Variants in IGFBP7 observed in about 807,000 individuals in gnomAD.
IGFBP7 encodes the protein insulin-like growth factor-binding protein 7.
Under a neutral mutation model 29.4 loss-of-function variants are expected in IGFBP7, and 31 were observed. That is an observed-to-expected ratio of 1.05 (90% CI 0.79 to 1.42). The LOEUF is 1.42. Ranked by LOEUF, IGFBP7 falls within the 40% of genes most tolerant of loss-of-function variation. The pLI, the probability that IGFBP7 is intolerant of heterozygous loss-of-function variation, is 0.00. For synonymous variants in IGFBP7, 172 were observed against 174.9 expected, an observed-to-expected ratio of 0.98 and a Z score of 0.13; for missense variants, 393 against 395.5, an observed-to-expected ratio of 0.99 and a Z score of 0.05.
chr4:57,082,851 G>A (rs916132811), intron 1 of IGFBP7, among the ~76,000 whole-genome samples: 1 of 151,870 alleles, frequency 6.6e-6, no homozygotes, highest in East Asian at 1.9e-4. Context: ...TGTCTATGTT[G>A]CCTAGGCTTA....
chr4:57,041,801 A>G (rs955167522), intron 1 of IGFBP7, among the ~76,000 whole-genome samples: 7 of 152,124 alleles, frequency 4.6e-5, no homozygotes, highest in East Asian at 3.9e-4. Context: ...AGCCTCCCCA[A>G]CTGCTGGGAT....
At chr4:57,101,080 T>A (rs1436241928) in intron 1 of IGFBP7, among the ~76,000 whole-genome samples, 1 of 152,256 alleles carries the variant, frequency 6.6e-6, no homozygotes, top group East Asian at 1.9e-4. Flanking sequence ...TTTACAGTTA[T>A]TTGGTGCAGC....
chr4:57,059,596 G>A (rs1724751334), intron 1 of IGFBP7, among the ~76,000 whole-genome samples: 1 of 152,100 alleles, frequency 6.6e-6, no homozygotes, highest in Non-Finnish European at 1.5e-5. Context: ...GTCTACTTGA[G>A]GGTGGAGGGT....
At chr4:57,036,149 GTATT>G (rs1724079834) in intron 2 of IGFBP7, among the ~76,000 whole-genome samples, 2 of 152,216 alleles carry the variant, frequency 1.3e-5, no homozygotes, top group South Asian at 4.1e-4. Context: ...TGTCCATGAA[GTATT>G]TGTTGAGAAA....
chr4:57,032,593 T>C, intron 3 of IGFBP7, 41 bp from the exon 4 acceptor site: 2 of 1,499,636 alleles, frequency 1.3e-6, no homozygotes, highest in Non-Finnish European at 9.3e-7. Flanking sequence ...TGTGGTGGTC[T>C]TCTCTTTTGT....
intron 1 of IGFBP7, among the ~76,000 whole-genome samples, chr4:57,070,022 A>G (rs3986230): frequency 0.19 from 28,616 of 152,172 alleles, 2,893 homozygotes; most frequent in African/African-American, 0.25. Flanking sequence ...CAGAGGTTGC[A>G]GTGAGCCGGA....
At chr4:57,060,839 A>G (rs1476101968) in intron 1 of IGFBP7, among the ~76,000 whole-genome samples, 1 of 151,978 alleles carries the variant, frequency 6.6e-6, no homozygotes, top group Non-Finnish European at 1.5e-5. Flanking sequence ...GGATTGCTTG[A>G]CCCTGGGAGG....
chr4:57,075,986 G>T (rs1364765665), intron 1 of IGFBP7, among the ~76,000 whole-genome samples: 2 of 152,136 alleles, frequency 1.3e-5, no homozygotes, highest in Admixed American at 6.5e-5. Flanking sequence ...GAATACCAAG[G>T]CTCTTGTCTC....
At chr4:57,063,808 T>C (rs1016057018) in intron 1 of IGFBP7, among the ~76,000 whole-genome samples, 1 of 152,182 alleles carries the variant, frequency 6.6e-6, no homozygotes, top group Admixed American at 6.5e-5. Context: ...AGCAATAAAA[T>C]GACCAGAGTT....
At chr4:57,100,346 C>T (rs1231043278) in intron 1 of IGFBP7, among the ~76,000 whole-genome samples, 5 of 152,152 alleles carry the variant, frequency 3.3e-5, no homozygotes, top group Non-Finnish European at 7.3e-5. Flanking sequence ...TCCCAAAGTA[C>T]TGGGATTACA....
intron 1 of IGFBP7, among the ~76,000 whole-genome samples, chr4:57,056,333 A>G (rs1724671732): frequency 1.3e-5 from 2 of 152,152 alleles, no homozygotes; most frequent in African/African-American, 4.8e-5. Flanking sequence ...TGAACCTGGA[A>G]TAGAATGCTC....
chr4:57,076,239 T>C (rs1725222543), intron 1 of IGFBP7, among the ~76,000 whole-genome samples: 3 of 152,222 alleles, frequency 2.0e-5, no homozygotes. Flanking sequence ...CACCTGTGAA[T>C]ACCATCACAC....
chr4:57,048,699 T>C (rs1360758027), intron 1 of IGFBP7, among the ~76,000 whole-genome samples: 1 of 152,072 alleles, frequency 6.6e-6, no homozygotes, highest in Non-Finnish European at 1.5e-5. Flanking sequence ...GCAGGAACAA[T>C]ATTGAAGAAG....
intron 1 of IGFBP7, among the ~76,000 whole-genome samples, chr4:57,098,887 C>T (rs1372056442): frequency 1.3e-5 from 2 of 152,204 alleles, no homozygotes; most frequent in African/African-American, 4.8e-5. Flanking sequence ...TCTGAAAGCT[C>T]CCATGGAGAA....
At chr4:57,098,630 G>T (rs1462376138) in intron 1 of IGFBP7, among the ~76,000 whole-genome samples, 1 of 152,186 alleles carries the variant, frequency 6.6e-6, no homozygotes, top group Non-Finnish European at 1.5e-5. Flanking sequence ...ATATCTGGCA[G>T]CGTCTTGATC....
intron 1 of IGFBP7, among the ~76,000 whole-genome samples, chr4:57,046,082 C>G (rs938795978): frequency 5.3e-5 from 8 of 152,024 alleles, no homozygotes; most frequent in African/African-American, 1.7e-4. Context: ...AATGAAGATA[C>G]ATGGTGAGAA....
At chr4:57,088,902 G>C (rs1263188465) in intron 1 of IGFBP7, among the ~76,000 whole-genome samples, 1 of 151,802 alleles carries the variant, frequency 6.6e-6, no homozygotes, top group Non-Finnish European at 1.5e-5. Flanking sequence ...TGTGGTGTTG[G>C]GCACCTGTAA....
At chr4:57,063,830 A>G (rs1724852472) in intron 1 of IGFBP7, among the ~76,000 whole-genome samples, 1 of 152,182 alleles carries the variant, frequency 6.6e-6, no homozygotes, top group Non-Finnish European at 1.5e-5. Context: ...CTGATTCTCA[A>G]TTTTTACCCT....
rs140942790 is a variant in IGFBP7, at chr4:57,068,765, C to T, written c.476-27832G>A. ...GGCACCGAGGGAAGTGAAAGGAAAC[C>T]GGATATACAAGGAGAAAGGGACAGA... On this transcript the variant is annotated intron_variant, in intron 1 of 4. Coordinates refer to ENST00000295666, the MANE Select transcript of IGFBP7 (RefSeq NM_001553.3). 5.8e-3 allele frequency among the ~76,000 whole-genome samples: 888 copies of T among 152,232 alleles called. 4 individuals carry two copies. The highest frequency in any genetic ancestry group is 0.031 in the Middle Eastern group (9 of 294).
Sources: allele counts gnomAD v4.1 joint callset (sites outside exome capture counted in the v4.1 genomes callset), GRCh38; gene constraint gnomAD v4.1.1; transcripts MANE v1.5; gene names NCBI Gene and HGNC (gene_info 2026-07-23, HGNC 2026-07-21).